Variants in ABCA10 observed in about 807,000 individuals in gnomAD.
ABCA10 encodes ATP-binding cassette sub-family A member 10.
In ABCA10, 169 loss-of-function variants were observed where a neutral mutation model predicts 187.5. That is an observed-to-expected ratio of 0.90 (90% CI 0.80 to 1.02). The LOEUF is 1.02. ABCA10 is among the 50% of genes least tolerant of loss of function. The probability of loss-of-function intolerance (pLI) is 0.00; values close to 1 mark genes in which losing one functional copy is unlikely to be tolerated. For synonymous variants in ABCA10, 574 were observed against 601.8 expected, an observed-to-expected ratio of 0.95 and a Z score of 0.68; for missense variants, 1,727 against 1,812.4, an observed-to-expected ratio of 0.95 and a Z score of 0.86.
chr17:69,214,618 C>T (rs1159310248), intron 9 of ABCA10, 86 bp downstream of exon 9: 1 of 1,196,490 alleles, frequency 8.4e-7, no homozygotes, highest in Non-Finnish European at 1.1e-6. Flanking sequence ...AGAAATGCTT[C>T]TTAAGTTACA....
chr17:69,154,251 T>G lies in ABCA10; in HGVS notation c.3770A>C (p.Lys1257Thr). ...TSIKMITGCTKPTAGVVVLQG... is the reference protein window; with the variant it reads ...TSIKMITGCTTPTAGVVVLQG... ...GTCACATACCACTCCTGCAGTTGGC[T>G]TTGTGCACCCAGTTATCATTTTAAT... is the stretch of plus-strand genomic sequence containing the variant. Residue 1257 changes from lysine (K) to threonine (T), a missense_variant, in exon 31 of 39, where the codon AAG becomes ACG. Coordinates refer to ENST00000690296, the MANE Select transcript of ABCA10 (RefSeq NM_001377321.1). 6.2e-7 allele frequency: 1 copy of G among 1,611,534 alleles called. No homozygotes were observed. Among genetic ancestry groups the G allele is most frequent in the African/African-American group, 1.3e-5 (1 of 74,918 alleles).
At chr17:69,178,849 T>C (rs1295565955) in intron 22 of ABCA10, 1 of 152,180 alleles carries the variant, frequency 6.6e-6, no homozygotes, top group Non-Finnish European at 1.5e-5. Flanking sequence ...AATTCTTAAC[T>C]TTCCTAAAGA....
At chr17:69,164,237 T>C in intron 26 of ABCA10, 83 bp from the exon 27 acceptor site, 2 of 1,099,198 alleles carry the variant, frequency 1.8e-6, no homozygotes, top group Non-Finnish European at 2.6e-6. Flanking sequence ...ACATTATACT[T>C]GATGTTCTAT....
intron 27 of ABCA10, among the ~76,000 whole-genome samples, chr17:69,159,009 T>C (rs544345193): frequency 6.7e-4 from 102 of 152,102 alleles, no homozygotes; most frequent in Middle Eastern, 6.8e-3. Flanking sequence ...GGTTAGTCTA[T>C]ATCTAAAAAC....
chr17:69,240,434 G>T (rs1448287809), intron 1 of ABCA10, among the ~76,000 whole-genome samples: 1 of 152,146 alleles, frequency 6.6e-6, no homozygotes, highest in Non-Finnish European at 1.5e-5. Flanking sequence ...TATTTCTGAA[G>T]GGGAATATAG....
At chr17:69,151,488 T>C (rs962186125) in intron 36 of ABCA10, among the ~76,000 whole-genome samples, 1 of 152,192 alleles carries the variant, frequency 6.6e-6, no homozygotes, top group Non-Finnish European at 1.5e-5. Flanking sequence ...GAAAATTCTG[T>C]TCATCTTTCA....
chr17:69,159,987 T>C (rs1366437545), intron 27 of ABCA10, among the ~76,000 whole-genome samples: 1 of 151,964 alleles, frequency 6.6e-6, no homozygotes, highest in Non-Finnish European at 1.5e-5. Context: ...TACACAAAAT[T>C]AACTCAAAAT....
intron 19 of ABCA10, among the ~76,000 whole-genome samples, chr17:69,186,555 A>G (rs1598103436): frequency 6.6e-6 from 1 of 152,198 alleles, no homozygotes; most frequent in East Asian, 1.9e-4. Context: ...TCCGCTCCAC[A>G]GTCAAGCACC....
chr17:69,156,574 T>C (rs150961496), intron 28 of ABCA10, among the ~76,000 whole-genome samples: 1,771 of 152,256 alleles, frequency 0.012, 63 homozygotes, highest in Admixed American at 0.083. Flanking sequence ...ACAGGAGGAT[T>C]ACTTGAGGTC....
chr17:69,151,040 A>C (rs1417373950), intron 36 of ABCA10, among the ~76,000 whole-genome samples: 1 of 151,944 alleles, frequency 6.6e-6, no homozygotes, highest in African/African-American at 2.4e-5. Context: ...TCTATATGGT[A>C]AAAAAAATCC....
intron 22 of ABCA10, chr17:69,175,734 T>C (rs1379763918): frequency 3.0e-6 from 1 of 338,370 alleles, no homozygotes; most frequent in Non-Finnish European, 5.4e-6. Context: ...TATATGTATA[T>C]ACGGTAGTCT....
chr17:69,162,838 C>CATATATATATATATATATATATATATAT (rs376385505), intron 27 of ABCA10, among the ~76,000 whole-genome samples: 1 of 120,838 alleles, frequency 8.3e-6, no homozygotes, highest in African/African-American at 3.7e-5. Flanking sequence ...TATACATATA[C>CATATATATATATATATATATATATATAT]ATATATATAT....
At chr17:69,217,027 G>A (rs1161822693) in intron 6 of ABCA10, among the ~76,000 whole-genome samples, 1 of 152,028 alleles carries the variant, frequency 6.6e-6, no homozygotes, top group Non-Finnish European at 1.5e-5. Context: ...CAGGTGGATT[G>A]CCTGAGTCAG....
intron 25 of ABCA10, among the ~76,000 whole-genome samples, chr17:69,168,996 G>T (rs2074275417): frequency 6.6e-6 from 1 of 152,118 alleles, no homozygotes; most frequent in South Asian, 2.1e-4. Context: ...CAGAAGAAGA[G>T]GATAATAATT....
Position 69,190,357 on chromosome 17 carries a change from C to T in ABCA10, c.2131+1G>A. 2 of 1,541,290 alleles carry T rather than the reference C, an allele frequency of 1.3e-6. No individual in the cohort carries two copies. The highest frequency in any genetic ancestry group is 2.4e-5 in the Admixed American group (1 of 41,818). On this transcript the variant is annotated splice_donor_variant, in intron 18 of 38. Transcript: ENST00000690296. LOFTEE classifies it high-confidence loss of function. ...TTTCTGCTAGACACACATTTTTATACCTGGTTCATCAATTGCTGATTTTCC... is the reference window on the plus strand; with the variant it reads ...TTTCTGCTAGACACACATTTTTATATCTGGTTCATCAATTGCTGATTTTCC...
intron 25 of ABCA10, 66 bp downstream of exon 25, chr17:69,174,215 A>T: frequency 8.2e-7 from 1 of 1,216,038 alleles, no homozygotes; most frequent in Non-Finnish European, 1.1e-6. Context: ...ATTTATACTT[A>T]AATTTGCATT....
Position 69,153,943 on chromosome 17 carries a change from A to AC in ABCA10, c.3852dup (p.Tyr1285ValfsTer44), listed in dbSNP as rs2074151598. Reference sequence around the variant, plus strand: ...CACAGTGAGTTCTCCTGAGGGCAGTACCCCAAGAACTTGAGGCTGTTGTCA... The same window carrying AC: ...CACAGTGAGTTCTCCTGAGGGCAGTACCCCCAAGAACTTGAGGCTGTTGTCA... On this transcript the variant is annotated frameshift_variant, in exon 32 of 39. Transcript: ENST00000690296. LOFTEE classifies it high-confidence loss of function. 1 of 1,613,914 alleles carries AC rather than the reference A, an allele frequency of 6.2e-7. No individual in the cohort carries two copies. The highest frequency in any genetic ancestry group is 8.5e-7 in the Non-Finnish European group (1 of 1,179,984).
chr17:69,157,017 A>T, intron 27 of ABCA10, 94 bp from the exon 28 acceptor site: 1 of 712,438 alleles, frequency 1.4e-6, no homozygotes, highest in Non-Finnish European at 2.1e-6. Context: ...AGAAGATTTG[A>T]TCATTTTCTT....
intron 22 of ABCA10, among the ~76,000 whole-genome samples, chr17:69,180,240 C>T (rs879446326): frequency 6.6e-5 from 10 of 152,152 alleles, no homozygotes; most frequent in African/African-American, 2.2e-4. Context: ...TGGTAACAAA[C>T]GGTGCACAGC....
Sources: gnomAD v4.1 joint callset for allele counts (sites outside exome capture counted in the v4.1 genomes callset) on GRCh38, gnomAD v4.1.1 for gene constraint, MANE v1.5 for transcripts, NCBI Gene and HGNC (gene_info 2026-07-23, HGNC 2026-07-21) for gene names.